KLRG1: variants seen among roughly 807,000 people sequenced by gnomAD.
KLRG1 encodes the protein killer cell lectin like receptor G1, also known as killer cell lectin-like receptor subfamily G member 1.
A neutral mutation model predicts 21.8 loss-of-function variants in KLRG1; 16 were observed. The observed-to-expected ratio is 0.73, with a 90% CI of 0.50 to 1.11. The LOEUF is 1.11. KLRG1 is among the 50% of genes most tolerant of loss of function. The pLI is 0.00. For synonymous variants in KLRG1, 69 were observed against 75.9 expected (o/e 0.91, Z 0.47); for missense variants, 173 against 218.3 (o/e 0.79, Z 1.31).
At chr12:9,152,163 T>C in the KLRG1 span, 39 of 1,248,074 alleles carry the variant, frequency 3.1e-5, no homozygotes, top group Non-Finnish European at 4.4e-5. Flanking sequence ...ATGGTCTTAG[T>C]TTGGGGATAC....
the KLRG1 span, among the ~76,000 whole-genome samples, chr12:9,207,170 A>G: frequency 6.6e-6 from 1 of 152,184 alleles, no homozygotes; most frequent in African/African-American, 2.4e-5. Context: ...AGGGTAACAC[A>G]CAGAGCAGAG....
rs116504096 is a variant in KLRG1 at position 9,008,369 on chromosome 12, G to T, written c.358-606G>T. On this transcript the variant is annotated intron_variant, in intron 3 of 4. Transcript: ENST00000356986. ...TATTATCTTATTTGCTACATTATAA[G>T]AATCCAGTTATTGACAGAAAGGTCA... is the stretch of plus-strand genomic sequence containing the variant. 6.6e-3 allele frequency among the ~76,000 whole-genome samples: 1,003 copies of T among 152,302 alleles called. 22 individuals carry two copies. Among genetic ancestry groups the T allele is most frequent in the African/African-American group, 0.022 (930 of 41,550 alleles).
chr12:9,175,185 A>G, the KLRG1 span, among the ~76,000 whole-genome samples: 128 of 152,350 alleles, frequency 8.4e-4, 1 homozygote, highest in African/African-American at 3.0e-3. Flanking sequence ...ATCTTTGACA[A>G]ACTTGACAAA....
chr12:9,039,548 A>T, the KLRG1 span, among the ~76,000 whole-genome samples: 6 of 152,070 alleles, frequency 3.9e-5, no homozygotes, highest in Admixed American at 1.3e-4. Flanking sequence ...GTCTTACTAC[A>T]CATTATTCTC....
At chr12:8,964,474 A>G (rs1396522208) in intron 1 of KLRG1, among the ~76,000 whole-genome samples, 1 of 152,104 alleles carries the variant, frequency 6.6e-6, no homozygotes, top group Non-Finnish European at 1.5e-5. Flanking sequence ...TCAGTTTTGG[A>G]GTAGGTGTGG....
At chr12:9,154,815 G>C in the KLRG1 span, 19 of 1,614,030 alleles carry the variant, frequency 1.2e-5, no homozygotes, top group Non-Finnish European at 1.5e-5. Flanking sequence ...GGGTCTCTGA[G>C]GGCGCTCCCA....
chr12:9,084,922 C>T, the KLRG1 span, among the ~76,000 whole-genome samples: 2 of 151,774 alleles, frequency 1.3e-5, no homozygotes, highest in Non-Finnish European at 2.9e-5. Flanking sequence ...AAAAACTGTA[C>T]AAAGAGACAA....
At chr12:9,001,781 G>A (rs116197298) in intron 3 of KLRG1, among the ~76,000 whole-genome samples, 4 of 152,072 alleles carry the variant, frequency 2.6e-5, no homozygotes, top group Admixed American at 1.3e-4. Flanking sequence ...TTCCCCTGTC[G>A]CTGCTTTTGG....
the KLRG1 span, among the ~76,000 whole-genome samples, chr12:9,065,442 T>A: frequency 2.0e-5 from 3 of 152,040 alleles, no homozygotes; most frequent in African/African-American, 7.2e-5. Flanking sequence ...CAGAGCAAGG[T>A]CGGGCCGAGC....
Position 9,009,016 on chromosome 12 carries a change from T to G in KLRG1, c.399T>G (p.Ile133Met), listed in dbSNP as rs1947560841. The change falls in exon 4 of 5, where the codon ATT becomes ATG. Residue 133 changes from isoleucine (I) to methionine (M), a missense_variant. Physicochemically the swap from Ile to Met is conservative, Grantham distance 10. Transcript: ENST00000356986. ...QVFLSEAFCWIGLRNNSGWRW... is the reference protein window; with the variant it reads ...QVFLSEAFCWMGLRNNSGWRW... ...TCCTCAGTGAGGCCTTTTGCTGGATTGGTCTGAGGAACAATTCTGGCTGGA... is the reference window on the plus strand; with the variant it reads ...TCCTCAGTGAGGCCTTTTGCTGGATGGGTCTGAGGAACAATTCTGGCTGGA... 6.2e-7 allele frequency: 1 copy of G among 1,613,830 alleles called. No homozygotes were observed. Among genetic ancestry groups the G allele is most frequent in the South Asian group, 1.1e-5 (1 of 91,076 alleles).
At chr12:9,005,586 A>T (rs1592280324) in intron 3 of KLRG1, among the ~76,000 whole-genome samples, 1 of 152,126 alleles carries the variant, frequency 6.6e-6, no homozygotes, top group African/African-American at 2.4e-5. Flanking sequence ...ATGGCTGGGG[A>T]TGGGGAGGTT....
chr12:9,045,146 A>C, the KLRG1 span, among the ~76,000 whole-genome samples: 1 of 152,322 alleles, frequency 6.6e-6, no homozygotes, highest in African/African-American at 2.4e-5. Flanking sequence ...AGGAAAAAAA[A>C]CTGAAATACT....
the KLRG1 span, chr12:9,200,535 A>G: frequency 1.9e-6 from 2 of 1,029,262 alleles, no homozygotes; most frequent in Non-Finnish European, 2.9e-6. Context: ...AATTTTTCCC[A>G]AAATAACACT....
chr12:9,200,787 C>G, the KLRG1 span: 1 of 1,203,612 alleles, frequency 8.3e-7, no homozygotes, highest in Non-Finnish European at 1.2e-6. Context: ...GTAAGTCTGA[C>G]TCTACTGCAA....
chr12:9,098,587 T>C, the KLRG1 span: 3 of 1,582,238 alleles, frequency 1.9e-6, no homozygotes, highest in Non-Finnish European at 2.6e-6. Flanking sequence ...TCTTGATTCC[T>C]GAGGCTGCCA....
the KLRG1 span, among the ~76,000 whole-genome samples, chr12:9,087,563 ATTTTT>A: frequency 6.8e-6 from 1 of 146,164 alleles, no homozygotes; most frequent in Non-Finnish European, 1.6e-5. Context: ...GAAGGAATAC[ATTTTT>A]TTCTTTTTGG....
chr12:9,147,328 G>A, the KLRG1 span, among the ~76,000 whole-genome samples: 1 of 152,162 alleles, frequency 6.6e-6, no homozygotes, highest in African/African-American at 2.4e-5. Flanking sequence ...TCTCTGGGGA[G>A]AACCCTCAGA....
At chr12:9,137,451 G>A in the KLRG1 span, among the ~76,000 whole-genome samples, 1 of 152,044 alleles carries the variant, frequency 6.6e-6, no homozygotes, top group Non-Finnish European at 1.5e-5. Flanking sequence ...TTTGAAATTA[G>A]GAAGTGTGAG....
At chr12:9,211,513 GTCTA>G in the KLRG1 span, among the ~76,000 whole-genome samples, 4 of 151,798 alleles carry the variant, frequency 2.6e-5, no homozygotes, top group Non-Finnish European at 5.9e-5. Context: ...TTATTTAGTT[GTCTA>G]TCTGTGTTTT....
Sources: gnomAD v4.1 joint callset for allele counts (sites outside exome capture counted in the v4.1 genomes callset) on GRCh38, gnomAD v4.1.1 for gene constraint, MANE v1.5 for transcripts, NCBI Gene and HGNC (gene_info 2026-07-23, HGNC 2026-07-21) for gene names.